Variants in STARD13 observed in about 807,000 individuals in gnomAD.
The protein encoded by STARD13 is StAR related lipid transfer domain containing 13.
In STARD13, 62 loss-of-function variants were observed where a neutral mutation model predicts 106.4. The ratio of observed to expected loss-of-function variants is 0.58; its 90% CI spans 0.48 to 0.72. The LOEUF is 0.72. Ranked by LOEUF, STARD13 falls within the 30% of genes least tolerant of loss-of-function variation. The pLI, the probability that STARD13 is intolerant of heterozygous loss-of-function variation, is 0.00. For synonymous variants in STARD13, 565 were observed against 553.0 expected (o/e 1.02, Z -0.31); for missense variants, 1,387 against 1,424.0 (o/e 0.97, Z 0.42).
chr13:33,480,502 T>C, the STARD13 span, among the ~76,000 whole-genome samples: 1 of 152,154 alleles, frequency 6.6e-6, no homozygotes, highest in Admixed American at 6.5e-5. Context: ...TGTGCATATG[T>C]CATGGCATGA....
intron 1 of STARD13, among the ~76,000 whole-genome samples, chr13:33,305,008 T>C (rs1398649899): frequency 6.6e-6 from 1 of 152,170 alleles, no homozygotes; most frequent in Non-Finnish European, 1.5e-5. Context: ...GGAAACAGCC[T>C]GTGAGAGGTT....
chr13:33,236,491 G>T (rs2138229943), intron 1 of STARD13, among the ~76,000 whole-genome samples: 1 of 152,340 alleles, frequency 6.6e-6, no homozygotes, highest in South Asian at 2.1e-4. Context: ...ATCCTCTTAA[G>T]CCTTTGTACA....
chr13:33,195,104 G>A (rs1886519933), intron 1 of STARD13, among the ~76,000 whole-genome samples: 1 of 152,180 alleles, frequency 6.6e-6, no homozygotes, highest in Non-Finnish European at 1.5e-5. Context: ...TTATCTGGAT[G>A]TAATCATGTT....
the STARD13 span, among the ~76,000 whole-genome samples, chr13:33,571,290 A>G: frequency 3.3e-5 from 5 of 152,318 alleles, no homozygotes; most frequent in East Asian, 9.6e-4. Flanking sequence ...CACAATTATC[A>G]AAGTGAGGAA....
At chr13:33,301,278 C>G (rs1475668760) in intron 1 of STARD13, among the ~76,000 whole-genome samples, 1 of 152,172 alleles carries the variant, frequency 6.6e-6, no homozygotes, top group Non-Finnish European at 1.5e-5. Context: ...GTGAATTGCA[C>G]AAGGGCATCT....
At chr13:33,400,586 G>A in the STARD13 span, among the ~76,000 whole-genome samples, 1 of 151,794 alleles carries the variant, frequency 6.6e-6, no homozygotes, top group Non-Finnish European at 1.5e-5. Context: ...TCAGCCTCCC[G>A]GGTTGCTGGG....
In STARD13 at chr13:33,129,611, C is replaced by T. The variant is rs1877899330; in HGVS notation, c.1066G>A (p.Ala356Thr). 1.2e-6 allele frequency: 2 copies of T among 1,613,942 alleles called. No homozygotes were observed. Among genetic ancestry groups the T allele is most frequent in the Non-Finnish European group, 1.7e-6 (2 of 1,180,042 alleles). The change falls in exon 5 of 14, where the codon GCC becomes ACC. Residue 356 changes from alanine (A) to threonine (T), a missense_variant. Physicochemically the swap from Ala to Thr is moderately conservative, Grantham distance 58. Transcript: ENST00000336934. ...AAGTACATGCCCCCGCGCTTGTTGG[C>T]CTCGTGGCACTTGCGTTCCTTCAGG... ...PCLKERKCHEANKRGGMYLED... is the reference protein window; with the variant it reads ...PCLKERKCHETNKRGGMYLED...
chr13:33,608,730 T>TA, the STARD13 span, among the ~76,000 whole-genome samples: 368 of 151,858 alleles, frequency 2.4e-3, 3 homozygotes, highest in African/African-American at 7.0e-3. Context: ...AGATTGAAAT[T>TA]AAAAAAAAGA....
chr13:33,165,570 G>T, intron 2 of STARD13, 152 bp from the exon 3 acceptor site: 1 of 639,026 alleles, frequency 1.6e-6, no homozygotes, highest in Middle Eastern at 4.2e-4. Flanking sequence ...GCAAAAAATT[G>T]CTATCACTGT....
chr13:33,538,962 G>C, the STARD13 span, among the ~76,000 whole-genome samples: 11 of 152,096 alleles, frequency 7.2e-5, no homozygotes, highest in African/African-American at 2.4e-4. Flanking sequence ...GTAGAGACGG[G>C]GTTTCACCGT....
chr13:33,541,660 CT>C, the STARD13 span, among the ~76,000 whole-genome samples: 2 of 152,114 alleles, frequency 1.3e-5, no homozygotes, highest in African/African-American at 4.8e-5. Context: ...TTCCCTCTGG[CT>C]TTTACAAGGA....
chr13:33,610,872 C>T, the STARD13 span: 60 of 152,382 alleles, frequency 3.9e-4, no homozygotes, highest in Middle Eastern at 3.2e-3. Flanking sequence ...CCGCTCCTGG[C>T]GCGCGTTCCT....
the STARD13 span, among the ~76,000 whole-genome samples, chr13:33,541,819 G>C: frequency 6.6e-6 from 1 of 152,342 alleles, no homozygotes; most frequent in African/African-American, 2.4e-5. Flanking sequence ...AGCGGATGCA[G>C]ATTCATACAG....
At chr13:33,402,503 C>T in the STARD13 span, among the ~76,000 whole-genome samples, 2 of 152,198 alleles carry the variant, frequency 1.3e-5, no homozygotes, top group African/African-American at 2.4e-5. Flanking sequence ...TAGAAGAGGG[C>T]GGTTCCCTGG....
At chr13:33,629,697 C>A in the STARD13 span, among the ~76,000 whole-genome samples, 28 of 152,304 alleles carry the variant, frequency 1.8e-4, no homozygotes, top group African/African-American at 6.3e-4. Flanking sequence ...AAGCTGGTGT[C>A]TTTAGATGTG....
chr13:33,662,211 G>A, the STARD13 span, among the ~76,000 whole-genome samples: 39 of 150,054 alleles, frequency 2.6e-4, no homozygotes, highest in African/African-American at 8.2e-4. Flanking sequence ...GCAGTGAGCC[G>A]AGATCATGCC....
chr13:33,388,954 C>CTT, the STARD13 span, among the ~76,000 whole-genome samples: 1,352 of 128,356 alleles, frequency 0.011, 29 homozygotes, highest in African/African-American at 0.036. Context: ...AGGGGTCCTT[C>CTT]TTTTTTTTTT....
chr13:33,641,932 G>A, the STARD13 span, among the ~76,000 whole-genome samples: 1 of 152,176 alleles, frequency 6.6e-6, no homozygotes, highest in Admixed American at 6.5e-5. Flanking sequence ...TACTGACTCT[G>A]TTAATTTTAA....
chr13:33,223,861 A>G (rs1235169864), intron 1 of STARD13, among the ~76,000 whole-genome samples: 1 of 152,194 alleles, frequency 6.6e-6, no homozygotes, highest in Non-Finnish European at 1.5e-5. Flanking sequence ...GCCAGAGCAA[A>G]TAAGTTCACA....
Sources: allele counts gnomAD v4.1 joint callset (sites outside exome capture counted in the v4.1 genomes callset), GRCh38; gene constraint gnomAD v4.1.1; transcripts MANE v1.5; gene names NCBI Gene and HGNC (gene_info 2026-07-23, HGNC 2026-07-21).